The following HEMK2 variants were observed in gnomAD, a reference collection of about 807,000 sequenced individuals.
The protein encoded by HEMK2 is methyltransferase HEMK2.
chr21:28,858,320 A>G, the HEMK2 span, among the ~76,000 whole-genome samples: 3 of 152,056 alleles, frequency 2.0e-5, no homozygotes, highest in Admixed American at 1.3e-4. Flanking sequence ...CCCATAGACT[A>G]CCTTCACTTC....
the HEMK2 span, among the ~76,000 whole-genome samples, chr21:28,578,420 T>C: frequency 3.9e-5 from 6 of 152,210 alleles, no homozygotes; most frequent in East Asian, 1.9e-4. Flanking sequence ...TGGTTGAACA[T>C]CCAACACCTG....
At chr21:28,685,426 C>T in the HEMK2 span, among the ~76,000 whole-genome samples, 2 of 152,174 alleles carry the variant, frequency 1.3e-5, no homozygotes, top group Admixed American at 6.5e-5. Flanking sequence ...CAAAGAGCCA[C>T]AGTGATGACT....
chr21:28,673,000 G>GAGAA, the HEMK2 span, among the ~76,000 whole-genome samples: 2,447 of 145,494 alleles, frequency 0.017, 45 homozygotes, highest in East Asian at 0.053. Context: ...GAAAAAGAAA[G>GAGAA]AGAAAGAAAG....
At chr21:28,584,413 T>C in the HEMK2 span, among the ~76,000 whole-genome samples, 2 of 152,164 alleles carry the variant, frequency 1.3e-5, no homozygotes, top group African/African-American at 4.8e-5. Context: ...CTGAGTATAA[T>C]TGAGGAAGAT....
the HEMK2 span, among the ~76,000 whole-genome samples, chr21:28,789,953 A>G: frequency 6.6e-6 from 1 of 152,220 alleles, no homozygotes; most frequent in Non-Finnish European, 1.5e-5. Context: ...GTCTAATGCT[A>G]AAAAGTTTAA....
the HEMK2 span, among the ~76,000 whole-genome samples, chr21:28,803,819 C>A: frequency 6.6e-6 from 1 of 152,166 alleles, no homozygotes; most frequent in Admixed American, 6.5e-5. Context: ...TTCTTGGGTA[C>A]CCCAATTAGA....
chr21:28,747,560 T>C, the HEMK2 span, among the ~76,000 whole-genome samples: 1 of 152,360 alleles, frequency 6.6e-6, no homozygotes, highest in East Asian at 1.9e-4. Flanking sequence ...AAGTTATCTT[T>C]CAGAGTTCCA....
chr21:28,877,259 G>GGGAAGGAAGGAAGGAAGGAAGTAA, the HEMK2 span, among the ~76,000 whole-genome samples: 1 of 76,188 alleles, frequency 1.3e-5, no homozygotes, highest in African/African-American at 4.8e-5. Context: ...GGGAAGAGAA[G>GGGAAGGAAGGAAGGAAGGAAGTAA]GGAAGGAAGG....
chr21:28,679,355 A>C, the HEMK2 span, among the ~76,000 whole-genome samples: 1 of 152,224 alleles, frequency 6.6e-6, no homozygotes, highest in Non-Finnish European at 1.5e-5. Context: ...TATTCTAAAT[A>C]TATATGCATC....
the HEMK2 span, among the ~76,000 whole-genome samples, chr21:28,620,814 C>T: frequency 1.3e-5 from 2 of 151,666 alleles, no homozygotes; most frequent in Non-Finnish European, 2.9e-5. Flanking sequence ...GCTGGGACTA[C>T]AGGCACATGC....
chr21:28,758,809 C>T, the HEMK2 span, among the ~76,000 whole-genome samples: 55 of 152,274 alleles, frequency 3.6e-4, no homozygotes, highest in East Asian at 9.6e-3. Context: ...GGTGAATAGG[C>T]TGGAGCTCAG....
chr21:28,879,299 G>T, the HEMK2 span, among the ~76,000 whole-genome samples: 1 of 152,222 alleles, frequency 6.6e-6, no homozygotes, highest in Non-Finnish European at 1.5e-5. Flanking sequence ...CTGGAGTGCA[G>T]TGGCTTGATC....
At chr21:28,758,259 A>C in the HEMK2 span, among the ~76,000 whole-genome samples, 3 of 152,302 alleles carry the variant, frequency 2.0e-5, no homozygotes, top group East Asian at 5.8e-4. Context: ...TAGGAGGCCA[A>C]GAAAACAACA....
At chr21:28,648,312 C>T in the HEMK2 span, among the ~76,000 whole-genome samples, 1 of 152,148 alleles carries the variant, frequency 6.6e-6, no homozygotes, top group Non-Finnish European at 1.5e-5. Flanking sequence ...AATAGTTGCA[C>T]CAGAGGTGGT....
At chr21:28,821,227 A>G in the HEMK2 span, among the ~76,000 whole-genome samples, 1 of 152,102 alleles carries the variant, frequency 6.6e-6, no homozygotes, top group African/African-American at 2.4e-5. Context: ...GACACCTTCC[A>G]AAACCTATTC....
At chr21:28,777,752 T>C in the HEMK2 span, among the ~76,000 whole-genome samples, 7 of 152,136 alleles carry the variant, frequency 4.6e-5, no homozygotes, top group Admixed American at 4.6e-4. Context: ...AGATTAAAGA[T>C]AAGGTCATCA....
chr21:28,853,818 C>T, the HEMK2 span, among the ~76,000 whole-genome samples: 3 of 152,208 alleles, frequency 2.0e-5, no homozygotes, highest in East Asian at 3.8e-4. Flanking sequence ...TTTACACGCT[C>T]AATGTCCCCA....
the HEMK2 span, among the ~76,000 whole-genome samples, chr21:28,638,649 C>T: frequency 2.0e-5 from 3 of 152,238 alleles, no homozygotes; most frequent in East Asian, 1.9e-4. Context: ...GCAGTTCTTC[C>T]GAGCAGCCCA....
the HEMK2 span, among the ~76,000 whole-genome samples, chr21:28,751,642 A>G: frequency 6.6e-6 from 1 of 152,200 alleles, no homozygotes; most frequent in Non-Finnish European, 1.5e-5. Flanking sequence ...TTTAACATCT[A>G]CGTTTTGTTC....
Sources: allele counts gnomAD v4.1 joint callset (sites outside exome capture counted in the v4.1 genomes callset), GRCh38; gene constraint gnomAD v4.1.1; transcripts MANE v1.5; gene names NCBI Gene and HGNC (gene_info 2026-07-23, HGNC 2026-07-21).